Variants in CDH4 observed in about 807,000 individuals in gnomAD.
The protein encoded by CDH4 is cadherin-4.
Under a neutral mutation model 86.0 loss-of-function variants are expected in CDH4, and 33 were observed. That is an observed-to-expected ratio of 0.38 (90% CI 0.29 to 0.51). The LOEUF (loss-of-function observed/expected upper bound fraction) is 0.51. Among genes scored for constraint, CDH4 ranks in the 20% least tolerant of loss-of-function variants. The pLI is 0.86. For synonymous variants in CDH4, 555 were observed against 549.4 expected (o/e 1.01, Z -0.14); for missense variants, 1,114 against 1,307.4 (o/e 0.85, Z 2.28).
intron 4 of CDH4, among the ~76,000 whole-genome samples, chr20:61,799,339 A>T (rs946702584): frequency 6.6e-6 from 1 of 152,230 alleles, no homozygotes; most frequent in African/African-American, 2.4e-5. Context: ...TACGCTTCAT[A>T]ATATAAGAGG....
intron 3 of CDH4, among the ~76,000 whole-genome samples, chr20:61,751,841 G>A (rs2088500338): frequency 6.6e-6 from 1 of 152,174 alleles, no homozygotes; most frequent in South Asian, 2.1e-4. Flanking sequence ...GGCCAATGGG[G>A]CATCTTTAAG....
At chr20:61,560,828 G>A (rs16985219) in intron 2 of CDH4, among the ~76,000 whole-genome samples, 4,891 of 152,278 alleles carry the variant, frequency 0.032, 164 homozygotes, top group African/African-American at 0.082. Context: ...CCTGGCCTTC[G>A]CAGCGGGAGC....
chr20:61,479,847 C>T (rs1373670612), intron 2 of CDH4, among the ~76,000 whole-genome samples: 1 of 152,158 alleles, frequency 6.6e-6, no homozygotes, highest in Non-Finnish European at 1.5e-5. Context: ...TACTCAGGGT[C>T]GCCCCATAGC....
At chr20:61,550,654 C>G (rs766256536) in intron 2 of CDH4, among the ~76,000 whole-genome samples, 19 of 152,224 alleles carry the variant, frequency 1.2e-4, no homozygotes, top group Non-Finnish European at 2.8e-4. Context: ...CTTCCTCCCA[C>G]ACCCACCCAA....
At chr20:61,624,809 G>T (rs894947770) in intron 2 of CDH4, among the ~76,000 whole-genome samples, 1 of 152,214 alleles carries the variant, frequency 6.6e-6, no homozygotes, top group African/African-American at 2.4e-5. Context: ...CTGAGCTCTA[G>T]GGAGCCGACG....
At chr20:61,625,448 G>A (rs1185006722) in intron 2 of CDH4, among the ~76,000 whole-genome samples, 2 of 152,068 alleles carry the variant, frequency 1.3e-5, no homozygotes, top group Non-Finnish European at 2.9e-5. Flanking sequence ...AGCAGTCTGC[G>A]TGATAGTTTG....
intron 6 of CDH4, among the ~76,000 whole-genome samples, chr20:61,857,119 C>G (rs1215293345): frequency 6.6e-6 from 1 of 152,250 alleles, no homozygotes; most frequent in East Asian, 1.9e-4. Flanking sequence ...TCTCACTGCC[C>G]TGCCCCTGCC....
At chr20:61,593,109 T>C (rs1380720430) in intron 2 of CDH4, among the ~76,000 whole-genome samples, 1 of 152,206 alleles carries the variant, frequency 6.6e-6, no homozygotes, top group Non-Finnish European at 1.5e-5. Context: ...AGAGGGGCAC[T>C]TTAGACTCTG....
chr20:61,347,882 G>A (rs1282511382), intron 2 of CDH4, among the ~76,000 whole-genome samples: 1 of 150,340 alleles, frequency 6.7e-6, no homozygotes, highest in South Asian at 2.2e-4. Context: ...AATATCAGAT[G>A]AGTCCTGTGT....
chr20:61,690,241 G>A lies in CDH4; in HGVS notation c.170-53322G>A, dbSNP rs536142942. Among the ~76,000 whole-genome samples, 41 of 152,224 alleles carry A rather than the reference G, an allele frequency of 2.7e-4. 1 individual carries two copies. The highest frequency in any genetic ancestry group is 8.7e-4 in the African/African-American group (36 of 41,528). On this transcript the variant is annotated intron_variant, in intron 2 of 15. Coordinates refer to ENST00000614565, the MANE Select transcript of CDH4 (RefSeq NM_001794.5). ...GGTGAGCTGATGTGTAATTGGGCGG[G>A]GACAGTGGTTAGGTGAGATGGTGTG...
At chr20:61,256,015 GGCAGTC>G (rs1349867530) in intron 2 of CDH4, among the ~76,000 whole-genome samples, 1 of 152,138 alleles carries the variant, frequency 6.6e-6, no homozygotes, top group East Asian at 1.9e-4. Context: ...AAAATCTCTA[GGCAGTC>G]GGCCTAGGAG....
intron 2 of CDH4, among the ~76,000 whole-genome samples, chr20:61,280,569 A>G (rs1023089984): frequency 1.3e-5 from 2 of 152,218 alleles, no homozygotes; most frequent in African/African-American, 4.8e-5. Context: ...CCAGGGTTTC[A>G]CGGCTGTGAA....
chr20:61,878,886 G>A (rs181949475), intron 7 of CDH4, among the ~76,000 whole-genome samples: 24 of 152,366 alleles, frequency 1.6e-4, no homozygotes, highest in Non-Finnish European at 3.1e-4. Context: ...AGGCCAGGGC[G>A]CCCCTCGCCA....
rs2088580634 is a variant in CDH4 at position 61,757,541 on chromosome 20, C to T, written c.396+13752C>T. ...AGGGGCGGCCCCAGACTCCCCAGGA[C>T]CAGGCAGGGAAGCCCCCTAGGGAGC... On this transcript the variant is annotated intron_variant, in intron 3 of 15. Transcript: ENST00000614565. Among the ~76,000 whole-genome samples the T allele has an allele frequency of 3.3e-5, 5 of 152,218 alleles. No individual in the cohort carries two copies. The South Asian group carries it at 1.0e-3, about 31-fold the overall frequency.
At chr20:61,273,466 T>G (rs1445819902) in intron 2 of CDH4, among the ~76,000 whole-genome samples, 1 of 13,988 alleles carries the variant, frequency 7.1e-5, no homozygotes. Context: ...GAGGACCATG[T>G]GCAGTTTGGG....
intron 2 of CDH4, among the ~76,000 whole-genome samples, chr20:61,584,002 A>C (rs959850191): frequency 1.3e-5 from 2 of 152,194 alleles, no homozygotes; most frequent in African/African-American, 4.8e-5. Flanking sequence ...CTACAAAAAA[A>C]TACAAAAATT....
At chr20:61,492,214 T>G (rs1333815287) in intron 2 of CDH4, among the ~76,000 whole-genome samples, 2 of 151,956 alleles carry the variant, frequency 1.3e-5, no homozygotes, top group African/African-American at 4.8e-5. Context: ...ATTGGTGGTG[T>G]TGATATTGTT....
At chr20:61,835,588 C>T (rs1981833968) in intron 4 of CDH4, among the ~76,000 whole-genome samples, 2 of 150,884 alleles carry the variant, frequency 1.3e-5, no homozygotes, top group Admixed American at 1.3e-4. Context: ...CCCACAGAGG[C>T]AGCCTCCTGG....
intron 2 of CDH4, among the ~76,000 whole-genome samples, chr20:61,357,454 G>A (rs1023354917): frequency 4.6e-5 from 7 of 152,184 alleles, no homozygotes; most frequent in African/African-American, 1.7e-4. Flanking sequence ...CCCGATTCCT[G>A]GAACCTGCCC....
Sources: gnomAD v4.1 joint callset for allele counts (sites outside exome capture counted in the v4.1 genomes callset) on GRCh38, gnomAD v4.1.1 for gene constraint, MANE v1.5 for transcripts, NCBI Gene and HGNC (gene_info 2026-07-23, HGNC 2026-07-21) for gene names.